Variants in CLYBL observed in about 807,000 individuals in gnomAD.
CLYBL encodes the protein citramalyl-CoA lyase.
Under a neutral mutation model 38.9 loss-of-function variants are expected in CLYBL, and 31 were observed. The ratio of observed to expected loss-of-function variants is 0.80; its 90% CI spans 0.60 to 1.08. The LOEUF (loss-of-function observed/expected upper bound fraction) is 1.08. CLYBL is among the 50% of genes least tolerant of loss of function. The pLI, the probability that CLYBL is intolerant of heterozygous loss-of-function variation, is 0.00. For synonymous variants in CLYBL, 171 were observed against 158.6 expected, an observed-to-expected ratio of 1.08 and a Z score of -0.59; for missense variants, 434 against 411.6, an observed-to-expected ratio of 1.05 and a Z score of -0.47.
chr13:99,806,410 G>A (rs1161979430), intron 2 of CLYBL, among the ~76,000 whole-genome samples: 1 of 152,096 alleles, frequency 6.6e-6, no homozygotes, highest in Non-Finnish European at 1.5e-5. Flanking sequence ...TAGTAACTGT[G>A]TTTCATATGT....
downstream of CLYBL, chr13:99,894,646 A>G (rs2052549549): frequency 7.6e-6 from 1 of 131,762 alleles, no homozygotes; most frequent in African/African-American, 2.9e-5. Context: ...AATGAAATTG[A>G]GATTTTTTTT....
At chr13:99,648,541 A>G (rs1341100956) in intron 1 of CLYBL, among the ~76,000 whole-genome samples, 1 of 152,212 alleles carries the variant, frequency 6.6e-6, no homozygotes, top group Non-Finnish European at 1.5e-5. Context: ...TGCCTGCGTT[A>G]CTATTTAAAG....
chr13:99,875,332 A>AAAG (rs2052009941), intron 7 of CLYBL, among the ~76,000 whole-genome samples: 1 of 152,218 alleles, frequency 6.6e-6, no homozygotes, highest in Admixed American at 6.5e-5. Context: ...ATCTCTTAAT[A>AAAG]AAGAAAGAAA....
At chr13:99,878,974 G>A (rs1487598591) in intron 7 of CLYBL, among the ~76,000 whole-genome samples, 1 of 152,144 alleles carries the variant, frequency 6.6e-6, no homozygotes, top group Non-Finnish European at 1.5e-5. Flanking sequence ...AGTAAGCATG[G>A]CTCTGGTCCG....
At chr13:99,778,674 C>T (rs2049573813) in intron 2 of CLYBL, among the ~76,000 whole-genome samples, 1 of 152,210 alleles carries the variant, frequency 6.6e-6, no homozygotes, top group Admixed American at 6.5e-5. Flanking sequence ...ACTGCCTCCA[C>T]TCCCTCTTAT....
At chr13:99,832,544 T>C (rs574916416) in intron 2 of CLYBL, among the ~76,000 whole-genome samples, 1 of 152,158 alleles carries the variant, frequency 6.6e-6, no homozygotes, top group South Asian at 2.1e-4. Flanking sequence ...GGGTGTGGGG[T>C]TGAACCAGCA....
intron 1 of CLYBL, among the ~76,000 whole-genome samples, chr13:99,700,529 G>A (rs1001868176): frequency 3.9e-5 from 6 of 152,158 alleles, no homozygotes; most frequent in Non-Finnish European, 5.9e-5. Flanking sequence ...CTGGACCCAC[G>A]ACAAGGAGGC....
chr13:99,902,014 G>A (rs1055130249), downstream of CLYBL, among the ~76,000 whole-genome samples: 2 of 152,164 alleles, frequency 1.3e-5, no homozygotes, highest in Non-Finnish European at 2.9e-5. Flanking sequence ...TAAGGAAGAT[G>A]ATGATCTGCA....
chr13:99,672,255 A>C (rs1216022605), intron 1 of CLYBL, among the ~76,000 whole-genome samples: 1 of 146,090 alleles, frequency 6.8e-6, no homozygotes, highest in Non-Finnish European at 1.5e-5. Context: ...CTGGAGTGCC[A>C]GAGTGCAGTG....
At chr13:99,885,602 C>T (rs1486611469) in intron 7 of CLYBL, among the ~76,000 whole-genome samples, 1 of 152,146 alleles carries the variant, frequency 6.6e-6, no homozygotes, top group East Asian at 1.9e-4. Flanking sequence ...ATCCTGGCAC[C>T]ATGTCCCTGA....
intron 7 of CLYBL, among the ~76,000 whole-genome samples, chr13:99,875,953 C>G (rs892739379): frequency 6.6e-6 from 1 of 151,984 alleles, no homozygotes; most frequent in Non-Finnish European, 1.5e-5. Flanking sequence ...AAATCTGAGT[C>G]TGCCAATGAT....
chr13:99,814,271 A>C (rs917197413), intron 2 of CLYBL, among the ~76,000 whole-genome samples: 14 of 152,212 alleles, frequency 9.2e-5, no homozygotes, highest in African/African-American at 3.4e-4. Flanking sequence ...TATAGTTTAC[A>C]ACAAGCCCAG....
chr13:99,791,789 A>C (rs1043949781), intron 2 of CLYBL, among the ~76,000 whole-genome samples: 1 of 152,222 alleles, frequency 6.6e-6, no homozygotes, highest in Non-Finnish European at 1.5e-5. Flanking sequence ...TGAGAGCATC[A>C]GTTCAAGTCT....
At chr13:99,848,155 G>A (rs551077622) in intron 2 of CLYBL, among the ~76,000 whole-genome samples, 16 of 152,124 alleles carry the variant, frequency 1.1e-4, no homozygotes, top group East Asian at 9.7e-4. Flanking sequence ...GAGGCCACCC[G>A]AGTCCCAGAC....
chr13:99,769,023 A>G (rs1185934064), intron 1 of CLYBL, among the ~76,000 whole-genome samples: 1 of 152,220 alleles, frequency 6.6e-6, no homozygotes, highest in Non-Finnish European at 1.5e-5. Flanking sequence ...TTGGAGGGAC[A>G]TACAATAACA....
intron 1 of CLYBL, among the ~76,000 whole-genome samples, chr13:99,763,412 C>A (rs1178706026): frequency 6.6e-6 from 1 of 152,190 alleles, no homozygotes; most frequent in South Asian, 2.1e-4. Context: ...TTTTTGGCAT[C>A]CATTGAAATA....
chr13:99,787,455 G>T (rs2049821148), intron 2 of CLYBL, among the ~76,000 whole-genome samples: 1 of 152,104 alleles, frequency 6.6e-6, no homozygotes, highest in African/African-American at 2.4e-5. Context: ...ATTAAATAGG[G>T]AATCCTTTCC....
chr13:99,631,607 T>C (rs1048646526), intron 1 of CLYBL, among the ~76,000 whole-genome samples: 2 of 151,968 alleles, frequency 1.3e-5, no homozygotes, highest in African/African-American at 4.8e-5. Flanking sequence ...ACACCAAATT[T>C]TTTTTTTTTG....
intron 2 of CLYBL, 41 bp from the exon 3 acceptor site, chr13:99,858,820 A>G (rs2051523751): frequency 1.4e-6 from 2 of 1,445,500 alleles, no homozygotes; most frequent in African/African-American, 2.8e-5. Context: ...GCTCCCCTCA[A>G]TGATAAAAAT....
Sources: allele counts gnomAD v4.1 joint callset (sites outside exome capture counted in the v4.1 genomes callset), GRCh38; gene constraint gnomAD v4.1.1; transcripts MANE v1.5; gene names NCBI Gene and HGNC (gene_info 2026-07-23, HGNC 2026-07-21).